Variants in DENND1A observed in about 807,000 individuals in gnomAD.
DENND1A encodes the protein DENN domain containing 1A.
In DENND1A, 51 loss-of-function variants were observed where a neutral mutation model predicts 113.7. The observed-to-expected ratio is 0.45, with a 90% CI of 0.36 to 0.57. DENND1A has a LOEUF of 0.57. Among genes scored for constraint, DENND1A ranks in the 20% least tolerant of loss-of-function variants. DENND1A has a pLI of 0.00. For missense variants in DENND1A, 1,258 were observed against 1,395.9 expected, an observed-to-expected ratio of 0.90 and a Z score of 1.57; for synonymous variants, 565 against 570.8, an observed-to-expected ratio of 0.99 and a Z score of 0.14.
chr9:123,610,944 C>T (rs1047203615), intron 10 of DENND1A, among the ~76,000 whole-genome samples: 12 of 152,200 alleles, frequency 7.9e-5, no homozygotes, highest in African/African-American at 1.2e-4. Flanking sequence ...ACAATTCCCT[C>T]ATTACCATTC....
At chr9:123,905,049 T>C (rs1415725285) in intron 1 of DENND1A, among the ~76,000 whole-genome samples, 2 of 152,034 alleles carry the variant, frequency 1.3e-5, no homozygotes, top group African/African-American at 2.4e-5. Flanking sequence ...TGGGGACCAA[T>C]ATTCAACATT....
intron 10 of DENND1A, among the ~76,000 whole-genome samples, chr9:123,611,201 T>C (rs2137788863): frequency 6.6e-6 from 1 of 152,288 alleles, no homozygotes; most frequent in African/African-American, 2.4e-5. Flanking sequence ...TTTTTTTAGG[T>C]ATCTGCTGTG....
intron 6 of DENND1A, 112 bp from the exon 7 acceptor site, chr9:123,671,483 A>C: frequency 2.0e-6 from 2 of 977,326 alleles, no homozygotes; most frequent in Non-Finnish European, 3.1e-6. Context: ...TGCTGGCCCC[A>C]GTACAGAAAT....
intron 13 of DENND1A, among the ~76,000 whole-genome samples, chr9:123,484,802 A>C (rs943057023): frequency 1.1e-4 from 16 of 152,256 alleles, no homozygotes; most frequent in Non-Finnish European, 2.4e-4. Context: ...TCTGGCATGC[A>C]AGGGAGCTTC....
At chr9:123,398,417 C>T (rs1447417778) in intron 21 of DENND1A, among the ~76,000 whole-genome samples, 2 of 152,172 alleles carry the variant, frequency 1.3e-5, no homozygotes, top group South Asian at 2.1e-4. Flanking sequence ...CTCTGTCACC[C>T]AGGCTAGAGT....
intron 1 of DENND1A, among the ~76,000 whole-genome samples, chr9:123,903,194 T>C (rs932500351): frequency 6.7e-6 from 1 of 149,834 alleles, no homozygotes; most frequent in African/African-American, 2.5e-5. Flanking sequence ...TAGCCGGGCA[T>C]AGTGGCGGGC....
rs188093304 is a variant in DENND1A, at chr9:123,427,604, C to G, written c.1488+12756G>C. 2.6e-5 allele frequency among the ~76,000 whole-genome samples: 4 copies of G among 152,354 alleles called. No homozygotes were observed. The East Asian group carries it at 7.7e-4, about 29-fold the overall frequency. On this transcript the variant is annotated intron_variant, in intron 19 of 23. Coordinates refer to ENST00000394215, the MANE Select transcript of DENND1A (RefSeq NM_001352964.2). ...TCTCGGTTTTAGGATCCCCACAGGT[C>G]TGGTATGAACCGTTCTCTGCTGTGA...
intron 1 of DENND1A, chr9:123,929,024 C>G: frequency 1.8e-6 from 1 of 565,594 alleles, no homozygotes; most frequent in Non-Finnish European, 2.2e-6. Context: ...AAGGGAGAGG[C>G]CACAAGAGGA....
intron 13 of DENND1A, among the ~76,000 whole-genome samples, chr9:123,499,527 C>CA (rs1564606582): frequency 6.6e-6 from 1 of 152,190 alleles, no homozygotes; most frequent in African/African-American, 2.4e-5. Context: ...TATATTAACT[C>CA]AACCCTCACA....
chr9:123,414,703 G>C (rs1356952296), intron 19 of DENND1A: 4 of 1,371,906 alleles, frequency 2.9e-6, no homozygotes, highest in Middle Eastern at 1.8e-4. Context: ...TTTGAACATA[G>C]ACTTGCTTTC....
chr9:123,816,231 G>C (rs1564327834), intron 2 of DENND1A, among the ~76,000 whole-genome samples: 1 of 151,980 alleles, frequency 6.6e-6, no homozygotes, highest in Non-Finnish European at 1.5e-5. Context: ...CGAACTCCTG[G>C]GTTCAAGTGA....
chr9:123,621,548 G>A (rs1244445918), intron 10 of DENND1A, among the ~76,000 whole-genome samples: 1 of 152,106 alleles, frequency 6.6e-6, no homozygotes, highest in Admixed American at 6.6e-5. Flanking sequence ...CAGCTATATA[G>A]CTATGAATAA....
chr9:123,762,307 T>A (rs1371174635), intron 4 of DENND1A, among the ~76,000 whole-genome samples: 2 of 152,234 alleles, frequency 1.3e-5, no homozygotes, highest in East Asian at 3.8e-4. Flanking sequence ...GTGCTTCTTG[T>A]AGCTTCCCGT....
intron 6 of DENND1A, among the ~76,000 whole-genome samples, chr9:123,675,689 C>CT (rs1802714213): frequency 6.6e-6 from 1 of 152,164 alleles, no homozygotes; most frequent in South Asian, 2.1e-4. Flanking sequence ...AACAATGAGA[C>CT]TTTTTTACTT....
intron 5 of DENND1A, among the ~76,000 whole-genome samples, chr9:123,725,778 G>T (rs761610366): frequency 2.0e-5 from 3 of 152,198 alleles, no homozygotes; most frequent in African/African-American, 7.2e-5. Flanking sequence ...TTGTGCTTTC[G>T]GGCTGTGACC....
intron 2 of DENND1A, among the ~76,000 whole-genome samples, chr9:123,804,147 G>A (rs535695517): frequency 6.6e-6 from 1 of 152,362 alleles, no homozygotes; most frequent in East Asian, 1.9e-4. Context: ...TCTCGTGATA[G>A]TGAATGAGTC....
At chr9:123,926,424 A>G (rs567781309) in intron 1 of DENND1A, among the ~76,000 whole-genome samples, 1 of 152,214 alleles carries the variant, frequency 6.6e-6, no homozygotes, top group South Asian at 2.1e-4. Flanking sequence ...AAAATTAGCC[A>G]GGCATGGTGT....
chr9:123,464,731 C>T (rs541373488), intron 13 of DENND1A, among the ~76,000 whole-genome samples: 4 of 151,732 alleles, frequency 2.6e-5, no homozygotes, highest in African/African-American at 9.7e-5. Context: ...TATTTAAGGA[C>T]AATCAAAATT....
chr9:123,464,023 T>C (rs1473377683), intron 13 of DENND1A, among the ~76,000 whole-genome samples: 1 of 152,186 alleles, frequency 6.6e-6, no homozygotes, highest in East Asian at 1.9e-4. Flanking sequence ...CCATGGCACA[T>C]GTTTACCTGT....
Sources: allele counts gnomAD v4.1 joint callset (sites outside exome capture counted in the v4.1 genomes callset), GRCh38; gene constraint gnomAD v4.1.1; transcripts MANE v1.5; gene names NCBI Gene and HGNC (gene_info 2026-07-23, HGNC 2026-07-21).